VPS53: variants seen among roughly 807,000 people sequenced by gnomAD.
VPS53 encodes VPS53 subunit of GARP complex.
In VPS53, 70 loss-of-function variants were observed where a neutral mutation model predicts 107.0. That is an observed-to-expected ratio of 0.65 (90% CI 0.54 to 0.80). VPS53 has a LOEUF of 0.80. VPS53 is among the 30% of genes least tolerant of loss of function. VPS53 has a pLI of 0.00. For missense variants in VPS53, 917 were observed against 1,049.4 expected (o/e 0.87, Z 1.74); for synonymous variants, 409 against 393.3 (o/e 1.04, Z -0.47).
At chr17:558,200 G>T (rs1912610788) in intron 15 of VPS53, among the ~76,000 whole-genome samples, 1 of 152,238 alleles carries the variant, frequency 6.6e-6, no homozygotes, top group South Asian at 2.1e-4. Context: ...GGGCATGGTG[G>T]CTCACGCCTA....
intron 10 of VPS53, among the ~76,000 whole-genome samples, chr17:625,363 G>A (rs1215825899): frequency 1.3e-5 from 2 of 151,856 alleles, no homozygotes; most frequent in African/African-American, 4.8e-5. Flanking sequence ...TTGGGTGGCT[G>A]AAGCAGGAGG....
At chr17:645,291 A>G (rs534445168) in intron 7 of VPS53, among the ~76,000 whole-genome samples, 9 of 152,292 alleles carry the variant, frequency 5.9e-5, no homozygotes, top group African/African-American at 2.2e-4. Flanking sequence ...TTTATTGGCC[A>G]TTTATTTATC....
intron 2 of VPS53, among the ~76,000 whole-genome samples, chr17:702,227 G>A (rs1032825198): frequency 3.9e-5 from 6 of 152,044 alleles, no homozygotes; most frequent in African/African-American, 1.2e-4. Context: ...GGTAGCACAC[G>A]CCTGTAGTAC....
Position 710,539 on chromosome 17 carries a change from G to A in VPS53, c.162C>T (p.Thr54=), listed in dbSNP as rs1230124762. The change falls in exon 2 of 22, where the codon ACC becomes ACT. Residue 54 remains threonine, a synonymous_variant. Transcript: ENST00000437048. The stretch of plus-strand genomic sequence containing the variant: ...AACCTGAAACTCTACTTACTTGCTC[G>A]GTTGGGAACAGGGTATTGATATACT... The part of the protein sequence containing the change: ...AVEYINTLFP[T]EQSLANIDEV... 14 of 1,613,338 alleles carry A rather than the reference G, an allele frequency of 8.7e-6. No individual in the cohort carries two copies. The highest frequency in any genetic ancestry group is 4.4e-5 in the South Asian group (4 of 91,034).
chr17:580,378 A>G (rs2151880479), intron 13 of VPS53, among the ~76,000 whole-genome samples: 1 of 143,420 alleles, frequency 7.0e-6, no homozygotes, highest in African/African-American at 2.7e-5. Flanking sequence ...TTCCCAGAGA[A>G]CTTCCCTCAG....
chr17:680,280 C>T (rs557068247), intron 4 of VPS53, among the ~76,000 whole-genome samples: 8 of 152,166 alleles, frequency 5.3e-5, no homozygotes, highest in South Asian at 2.1e-4. Flanking sequence ...GGTGACAAAG[C>T]GAGATTCCGT....
At chr17:535,389 C>A in intron 18 of VPS53, among the ~76,000 whole-genome samples, 1 of 135,264 alleles carries the variant, frequency 7.4e-6, no homozygotes, top group African/African-American at 2.5e-5. Context: ...CTGGGAGACG[C>A]CGGGACTGGC....
intron 12 of VPS53, among the ~76,000 whole-genome samples, chr17:597,165 G>A (rs779464713): frequency 4.6e-5 from 7 of 152,252 alleles, no homozygotes; most frequent in Non-Finnish European, 8.8e-5. Flanking sequence ...TCTCAGCAGC[G>A]AGGCGTAAAC....
intron 15 of VPS53, among the ~76,000 whole-genome samples, chr17:556,656 G>C (rs914393639): frequency 1.3e-5 from 2 of 152,196 alleles, no homozygotes; most frequent in African/African-American, 4.8e-5. Context: ...TATCTCAGGA[G>C]TGGGCTCTTT....
chr17:671,470 T>TA (rs1971944632), intron 4 of VPS53, among the ~76,000 whole-genome samples: 1 of 152,196 alleles, frequency 6.6e-6, no homozygotes, highest in Non-Finnish European at 1.5e-5. Context: ...CTCTGCCAGT[T>TA]ACTGTGTGAT....
At chr17:710,970 T>A (rs528333470) in intron 1 of VPS53, among the ~76,000 whole-genome samples, 36 of 152,012 alleles carry the variant, frequency 2.4e-4, no homozygotes, top group Admixed American at 2.2e-3. Flanking sequence ...AATTAATTAA[T>A]TAAAATAAGG....
In VPS53 at chr17:599,964, C is replaced by T. The variant is rs77605903; in HGVS notation, c.1218+1831G>A. The T allele has an allele frequency of 6.3e-3, 962 of 152,258 alleles. 3 individuals are homozygous for T. Among genetic ancestry groups the T allele is most frequent in the Non-Finnish European group, 8.4e-3 (569 of 68,080 alleles). The allele number at this position is 152,258 out of a possible 1,614,324, so 9.4% of individuals were successfully genotyped here. On this transcript the variant is annotated intron_variant, in intron 12 of 21. Coordinates refer to ENST00000437048, the MANE Select transcript of VPS53 (RefSeq NM_001128159.3). ...ACCTACTGAAGGTCACATGGTCAGT[C>T]GGTTAATGGCCGACAAGAGTCCAGC...
At chr17:685,873 A>T (rs1177956217) in intron 4 of VPS53, among the ~76,000 whole-genome samples, 1 of 152,146 alleles carries the variant, frequency 6.6e-6, no homozygotes, top group Non-Finnish European at 1.5e-5. Flanking sequence ...TTAGCCAGAC[A>T]TGGTGACATG....
chr17:598,186 C>A (rs1968081944), intron 12 of VPS53, among the ~76,000 whole-genome samples: 1 of 152,228 alleles, frequency 6.6e-6, no homozygotes, highest in Non-Finnish European at 1.5e-5. Context: ...CGGTCTCCAG[C>A]CCCTAACCGC....
At chr17:618,432 C>T (rs117314378) in intron 11 of VPS53, among the ~76,000 whole-genome samples, 17,222 of 98,758 alleles carry the variant, frequency 0.17, 2,488 homozygotes, top group Non-Finnish European at 0.28. Context: ...TCCCGGGTAG[C>T]TGGGACGACA....
chr17:611,677 C>T (rs1968881733), intron 11 of VPS53, among the ~76,000 whole-genome samples: 1 of 152,126 alleles, frequency 6.6e-6, no homozygotes, highest in Admixed American at 6.5e-5. Flanking sequence ...CCGATATTCA[C>T]AGCAGTATTC....
At chr17:555,582 A>G (rs1027866309) in intron 15 of VPS53, among the ~76,000 whole-genome samples, 2 of 151,612 alleles carry the variant, frequency 1.3e-5, no homozygotes, top group Non-Finnish European at 2.9e-5. Context: ...TGATCCACCC[A>G]CCTCGGCCTC....
chr17:554,258 A>G (rs922065760), intron 15 of VPS53, among the ~76,000 whole-genome samples: 1 of 152,214 alleles, frequency 6.6e-6, no homozygotes, highest in Admixed American at 6.5e-5. Flanking sequence ...TCATCAGCCG[A>G]CAGCCGGGGA....
intron 11 of VPS53, among the ~76,000 whole-genome samples, chr17:619,126 T>C (rs1195541781): frequency 3.4e-4 from 36 of 105,642 alleles, no homozygotes; most frequent in East Asian, 6.7e-4. Flanking sequence ...GGACTACAGG[T>C]GTGCACCACC....
Sources: allele counts gnomAD v4.1 joint callset (sites outside exome capture counted in the v4.1 genomes callset), GRCh38; gene constraint gnomAD v4.1.1; transcripts MANE v1.5; gene names NCBI Gene and HGNC (gene_info 2026-07-23, HGNC 2026-07-21).